ALK: variants seen among roughly 807,000 people sequenced by gnomAD.
The protein encoded by ALK is ALK receptor tyrosine kinase, also known as ALK tyrosine kinase receptor.
ALK carries 74 observed loss-of-function variants against 163.1 expected under a neutral mutation model. That is an observed-to-expected ratio of 0.45 (90% CI 0.38 to 0.55). ALK has a LOEUF of 0.55. ALK is among the 20% of genes least tolerant of loss of function. The pLI is 0.00. For missense variants in ALK, 2,063 were observed against 2,105.3 expected, an observed-to-expected ratio of 0.98 and a Z score of 0.39; for synonymous variants, 960 against 843.2, an observed-to-expected ratio of 1.14 and a Z score of -2.40.
At chr2:29,855,122 ACCTGGC>A (rs1666106478) in intron 1 of ALK, among the ~76,000 whole-genome samples, 1 of 152,180 alleles carries the variant, frequency 6.6e-6, no homozygotes, top group African/African-American at 2.4e-5. Context: ...CATGGCATGG[ACCTGGC>A]ATACAGAAGG....
chr2:29,461,891 A>G (rs1430658510), intron 4 of ALK, among the ~76,000 whole-genome samples: 1 of 152,154 alleles, frequency 6.6e-6, no homozygotes, highest in Non-Finnish European at 1.5e-5. Flanking sequence ...TTCTGGAAAA[A>G]AAAAAGGACC....
chr2:29,446,098 CAAAAAAAA>C (rs60360983), intron 4 of ALK, among the ~76,000 whole-genome samples: 3 of 17,212 alleles, frequency 1.7e-4, no homozygotes, highest in Non-Finnish European at 3.3e-4. Flanking sequence ...GACTCCGTCT[CAAAAAAAA>C]AAAAAAAAAA....
intron 4 of ALK, among the ~76,000 whole-genome samples, chr2:29,409,452 C>T (rs1669674835): frequency 6.6e-6 from 1 of 152,120 alleles, no homozygotes; most frequent in Non-Finnish European, 1.5e-5. Context: ...CTGTTTCCTG[C>T]CACTCGGAAC....
chr2:29,582,544 C>A (rs530282696), intron 3 of ALK, among the ~76,000 whole-genome samples: 21 of 152,172 alleles, frequency 1.4e-4, no homozygotes, highest in Non-Finnish European at 1.9e-4. Flanking sequence ...TAGGCTTCTG[C>A]GGGGCATTTG....
chr2:29,295,576 T>C lies in ALK; in HGVS notation c.1817+1312A>G, dbSNP rs144151660. ...GTTAACCCACACACATCTGAAGGAG[T>C]GGGTAGCTAGTGCTCAGAGTGAGGA... On this transcript the variant is annotated intron_variant, in intron 9 of 28. Coordinates refer to ENST00000389048, the MANE Select transcript of ALK (RefSeq NM_004304.5). Among the ~76,000 whole-genome samples the C allele has an allele frequency of 5.5e-4, 83 of 152,184 alleles. No individual in the cohort carries two copies. In the East Asian group the frequency reaches 0.013, roughly 23 times the overall value.
At position 29,193,696 on chromosome 2, in the gene ALK, C is replaced by T. The variant is rs1060500213; in HGVS notation, c.4391G>A (p.Arg1464Gln). The T allele has an allele frequency of 3.7e-6, 6 of 1,612,306 alleles. No homozygotes were observed. In the East Asian group the frequency reaches 8.9e-5, roughly 24 times the overall value. Residue 1464 changes from arginine (R) to glutamine (Q), a missense_variant, in exon 29 of 29, where the codon CGA (arginine) becomes CAA (glutamine). By Grantham distance (43) the Arg-to-Gln change is conservative. Coordinates refer to ENST00000389048, the MANE Select transcript of ALK (RefSeq NM_004304.5). ...TTCCACGGCCGGCCCTCTAGGGACT[C>T]GAACAGAGATCTCTGCAGCTGTGGG... ...KKPTAAEISV[R>Q]VPRGPAVEGG...
intron 12 of ALK, 123 bp from the exon 13 acceptor site, chr2:29,239,953 A>G (rs1158854111): frequency 5.2e-6 from 6 of 1,161,502 alleles, no homozygotes; most frequent in Non-Finnish European, 7.2e-6. Flanking sequence ...TCTCCCCCAT[A>G]TCAGTCCCTG....
At chr2:29,532,415 C>T (rs1227917168) in intron 3 of ALK, among the ~76,000 whole-genome samples, 4 of 152,160 alleles carry the variant, frequency 2.6e-5, no homozygotes, top group Non-Finnish European at 5.9e-5. Context: ...TTTTCATCTG[C>T]AAAACAGGAA....
At chr2:29,609,849 C>T (rs765054960) in intron 3 of ALK, among the ~76,000 whole-genome samples, 12 of 152,162 alleles carry the variant, frequency 7.9e-5, no homozygotes, top group Non-Finnish European at 1.5e-4. Context: ...ACTGTGTTGC[C>T]CAGGCTGGTC....
chr2:29,919,370 G>A (rs1162412824), intron 1 of ALK, among the ~76,000 whole-genome samples: 1 of 151,780 alleles, frequency 6.6e-6, no homozygotes, highest in African/African-American at 2.4e-5. Context: ...TAGTTTCTCT[G>A]GGGCTTTCCC....
intron 4 of ALK, among the ~76,000 whole-genome samples, chr2:29,480,790 TAAAAAAA>T (rs11289018): frequency 2.7e-5 from 2 of 74,548 alleles, no homozygotes; most frequent in Non-Finnish European, 5.0e-5. Flanking sequence ...ACAGACATCT[TAAAAAAA>T]AAAAAAAAAA....
intron 13 of ALK, among the ~76,000 whole-genome samples, chr2:29,235,439 G>A (rs995136769): frequency 2.0e-5 from 3 of 152,076 alleles, no homozygotes; most frequent in African/African-American, 7.2e-5. Flanking sequence ...TTTAACGATG[G>A]AAATAATTTG....
chr2:29,570,275 C>T (rs67187292), intron 3 of ALK, among the ~76,000 whole-genome samples: 19,296 of 152,194 alleles, frequency 0.13, 1,602 homozygotes, highest in Non-Finnish European at 0.19. Context: ...ATCAATGCTC[C>T]GGATGTCACA....
At chr2:29,890,061 T>A (rs957504354) in intron 1 of ALK, among the ~76,000 whole-genome samples, 4 of 152,170 alleles carry the variant, frequency 2.6e-5, no homozygotes, top group Non-Finnish European at 4.4e-5. Context: ...ACATAGAGCA[T>A]CTGCAAGTAG....
chr2:29,672,367 C>T (rs1242698035), intron 3 of ALK, among the ~76,000 whole-genome samples: 1 of 149,988 alleles, frequency 6.7e-6, no homozygotes, highest in Non-Finnish European at 1.5e-5. Context: ...TGATGCTCCC[C>T]TTCCTGTGTC....
rs923374092 is a variant in ALK at position 29,213,511 on chromosome 2, T to C, written c.3743+473A>G. On this transcript the variant is annotated intron_variant, in intron 24 of 28. Coordinates refer to ENST00000389048, the MANE Select transcript of ALK (RefSeq NM_004304.5). Reference sequence around the variant, plus strand: ...CTTCCCCATAAGGAGCCCAGTTTTCTATGGCAGGGGGAAGCCTTAAAGTGA... The same window carrying C: ...CTTCCCCATAAGGAGCCCAGTTTTCCATGGCAGGGGGAAGCCTTAAAGTGA... Among the ~76,000 whole-genome samples the C allele has an allele frequency of 2.0e-5, 3 of 152,228 alleles. No homozygotes were observed. In the South Asian group the frequency reaches 6.2e-4, roughly 31 times the overall value.
At chr2:29,308,764 C>G (rs1042604150) in intron 8 of ALK, among the ~76,000 whole-genome samples, 1 of 152,142 alleles carries the variant, frequency 6.6e-6, no homozygotes, top group Non-Finnish European at 1.5e-5. Flanking sequence ...CCCAGCTTAG[C>G]GAAGACATTT....
intron 3 of ALK, among the ~76,000 whole-genome samples, chr2:29,638,245 C>A (rs1186478981): frequency 6.6e-6 from 1 of 152,210 alleles, no homozygotes; most frequent in African/African-American, 2.4e-5. Context: ...GTAATGGTGT[C>A]TACCACACCA....
chr2:29,209,916 T>A, intron 24 of ALK, 38 bp from the exon 25 acceptor site: 1 of 1,542,884 alleles, frequency 6.5e-7, no homozygotes, highest in Non-Finnish European at 9.0e-7. Flanking sequence ...ATTTTATCCC[T>A]AGGAAGATGA....
Sources: allele counts gnomAD v4.1 joint callset (sites outside exome capture counted in the v4.1 genomes callset), GRCh38; gene constraint gnomAD v4.1.1; transcripts MANE v1.5; gene names NCBI Gene and HGNC (gene_info 2026-07-23, HGNC 2026-07-21).